Variants in NCOR1 observed in about 807,000 individuals in gnomAD.
NCOR1 encodes nuclear receptor corepressor 1.
In NCOR1, 63 loss-of-function variants were observed where a neutral mutation model predicts 288.1. The ratio of observed to expected loss-of-function variants is 0.22; its 90% CI spans 0.18 to 0.27. The LOEUF is 0.27. Ranked by LOEUF, NCOR1 falls within the 10% of genes least tolerant of loss-of-function variation. The pLI is 1.00. For missense variants in NCOR1, 2,397 were observed against 3,019.2 expected (o/e 0.79, Z 4.83); for synonymous variants, 1,007 against 1,065.9 (o/e 0.94, Z 1.08).
intron 44 of NCOR1, among the ~76,000 whole-genome samples, chr17:16,037,317 C>A (rs905272865): frequency 2.0e-5 from 3 of 151,902 alleles, no homozygotes; most frequent in East Asian, 3.9e-4. Context: ...GTGAGAATTA[C>A]CAAAATATGA....
chr17:16,075,407 A>C (rs2062317290), intron 27 of NCOR1, 127 bp downstream of exon 27: 1 of 1,017,598 alleles, frequency 9.8e-7, no homozygotes, highest in Admixed American at 2.3e-5. Flanking sequence ...AACCCCATTT[A>C]CTGAGAGAAA....
chr17:16,140,997 C>CAAAAAAAAA (rs372397821), intron 11 of NCOR1, among the ~76,000 whole-genome samples: 2 of 113,694 alleles, frequency 1.8e-5, no homozygotes, highest in African/African-American at 6.7e-5. Flanking sequence ...TCTCCTATCT[C>CAAAAAAAAA]AAAAAAAAAA....
chr17:16,062,271 C>A lies in NCOR1; in HGVS notation c.5222-1G>T. 6.3e-7 allele frequency: 1 copy of A among 1,584,734 alleles called. No homozygotes were observed. Among genetic ancestry groups the A allele is most frequent in the South Asian group, 1.2e-5 (1 of 85,730 alleles). On this transcript the variant is annotated splice_acceptor_variant, in intron 35 of 45. Transcript: ENST00000268712. LOFTEE classifies it high-confidence loss of function. ...CCAGGTCGGCCAGGCTGTTCTGAGC[C>A]TGCAGAGGTGAAAAAGAGAAAGAAA...
chr17:16,195,308 T>C (rs998868852), intron 1 of NCOR1, among the ~76,000 whole-genome samples: 1 of 152,004 alleles, frequency 6.6e-6, no homozygotes, highest in Non-Finnish European at 1.5e-5. Context: ...TCTTTTCTAC[T>C]AAAAATACAA....
At chr17:16,056,249 T>C (rs889163194) in intron 40 of NCOR1, among the ~76,000 whole-genome samples, 1 of 151,996 alleles carries the variant, frequency 6.6e-6, no homozygotes, top group Non-Finnish European at 1.5e-5. Flanking sequence ...TGTCTTCAGG[T>C]ATTTGCCAGA....
At chr17:16,155,451 C>T (rs963327681) in intron 6 of NCOR1, among the ~76,000 whole-genome samples, 11 of 151,782 alleles carry the variant, frequency 7.2e-5, no homozygotes, top group Admixed American at 5.2e-4. Context: ...CTTTTCTATA[C>T]GTATTATTCT....
At chr17:16,122,224 C>T (rs1340628174) in intron 15 of NCOR1, among the ~76,000 whole-genome samples, 1 of 152,160 alleles carries the variant, frequency 6.6e-6, no homozygotes, top group Non-Finnish European at 1.5e-5. Context: ...TTTAAGGAAA[C>T]GTACTCAATG....
rs1214543146 is a variant in NCOR1, at chr17:16,084,755, T to A, written c.3177+1527A>T. ...CTGGTGCTATTTTTCAACTAGAAAT[T>A]TAAATAAAGATGAATGTTAATCCTG... On this transcript the variant is annotated intron_variant, in intron 23 of 45. Coordinates refer to ENST00000268712, the MANE Select transcript of NCOR1 (RefSeq NM_006311.4). 2.6e-5 allele frequency among the ~76,000 whole-genome samples: 4 copies of A among 152,116 alleles called. No individual in the cohort carries two copies. In the East Asian group the frequency reaches 7.7e-4, roughly 29 times the overall value.
intron 1 of NCOR1, among the ~76,000 whole-genome samples, chr17:16,209,012 C>T (rs2091863519): frequency 6.6e-6 from 1 of 152,054 alleles, no homozygotes; most frequent in African/African-American, 2.4e-5. Flanking sequence ...CTGCTAAGCT[C>T]ATTTTTATGA....
At chr17:16,054,023 A>C (rs1178463213) in intron 40 of NCOR1, among the ~76,000 whole-genome samples, 2 of 150,560 alleles carry the variant, frequency 1.3e-5, no homozygotes, top group Admixed American at 6.6e-5. Context: ...TCTTCTTTAT[A>C]CCATATATAT....
chr17:16,211,669 T>A (rs2092140502), intron 1 of NCOR1, among the ~76,000 whole-genome samples: 2 of 152,130 alleles, frequency 1.3e-5, no homozygotes, highest in Admixed American at 1.3e-4. Context: ...AGTCTCAGAC[T>A]TTCAAATGCA....
chr17:16,210,943 G>A (rs1033686955), intron 1 of NCOR1, among the ~76,000 whole-genome samples: 4 of 152,124 alleles, frequency 2.6e-5, no homozygotes, highest in African/African-American at 4.8e-5. Flanking sequence ...ATGTTGGCCA[G>A]GATGGTCTCG....
intron 15 of NCOR1, chr17:16,122,471 C>G (rs974495065): frequency 6.6e-6 from 1 of 152,186 alleles, no homozygotes; most frequent in African/African-American, 2.4e-5. Flanking sequence ...ACTGCAAAAT[C>G]AAATGACCTC....
intron 29 of NCOR1, 114 bp downstream of exon 29, chr17:16,072,031 A>G (rs112193798): frequency 4.5e-5 from 37 of 818,266 alleles, no homozygotes; most frequent in African/African-American, 2.6e-4. Context: ...CAAGACTTTA[A>G]TATTTCAAAA....
intron 40 of NCOR1, among the ~76,000 whole-genome samples, chr17:16,056,483 T>C (rs1188708165): frequency 6.6e-6 from 1 of 151,920 alleles, no homozygotes; most frequent in African/African-American, 2.4e-5. Context: ...GGCTAATTTT[T>C]TTTTTGTATT....
intron 13 of NCOR1, 147 bp downstream of exon 13, chr17:16,138,010 TA>T: frequency 1.7e-6 from 1 of 579,194 alleles, no homozygotes; most frequent in South Asian, 2.6e-5. Flanking sequence ...CTAATAATTG[TA>T]ATTATCATTA....
intron 22 of NCOR1, among the ~76,000 whole-genome samples, chr17:16,089,818 A>G (rs1309335758): frequency 2.0e-5 from 3 of 152,158 alleles, no homozygotes; most frequent in African/African-American, 4.8e-5. Flanking sequence ...ACTGAACTAC[A>G]GGATAGACTC....
chr17:16,066,011 A>T (rs1295625257), intron 32 of NCOR1: 1 of 375,738 alleles, frequency 2.7e-6, no homozygotes, highest in African/African-American at 2.1e-5. Context: ...GTTTGAAAAT[A>T]AAATTGTCTT....
chr17:16,205,220 C>CA (rs2091341904), intron 1 of NCOR1, among the ~76,000 whole-genome samples: 1 of 144,952 alleles, frequency 6.9e-6, no homozygotes, highest in South Asian at 2.2e-4. Context: ...AACTCTGTCT[C>CA]ACAAAAAAAA....
Sources: gnomAD v4.1 joint callset for allele counts (sites outside exome capture counted in the v4.1 genomes callset) on GRCh38, gnomAD v4.1.1 for gene constraint, MANE v1.5 for transcripts, NCBI Gene and HGNC (gene_info 2026-07-23, HGNC 2026-07-21) for gene names.